The following NOP14 variants were observed in gnomAD, a reference collection of about 807,000 sequenced individuals.
NOP14 encodes nucleolar protein 14.
NOP14 carries 57 observed loss-of-function variants against 101.6 expected under a neutral mutation model. The ratio of observed to expected loss-of-function variants is 0.56; its 90% CI spans 0.45 to 0.70. The LOEUF (loss-of-function observed/expected upper bound fraction) is 0.70, where lower values mean the gene tolerates loss of function less well. Among genes scored for constraint, NOP14 ranks in the 30% least tolerant of loss-of-function variants. The probability of loss-of-function intolerance (pLI) is 0.00; values close to 1 mark genes in which losing one functional copy is unlikely to be tolerated. For synonymous variants in NOP14, 428 were observed against 424.0 expected, an observed-to-expected ratio of 1.01 and a Z score of -0.12; for missense variants, 1,134 against 1,075.5, an observed-to-expected ratio of 1.05 and a Z score of -0.76.
intron 6 of NOP14, among the ~76,000 whole-genome samples, chr4:2,951,606 G>T (rs925293286): frequency 1.3e-5 from 2 of 151,786 alleles, no homozygotes; most frequent in African/African-American, 4.8e-5. Context: ...GCAGCTCCAC[G>T]GCCTCCACTA....
intron 11 of NOP14, among the ~76,000 whole-genome samples, chr4:2,945,495 G>A (rs537497429): frequency 3.3e-5 from 5 of 152,334 alleles, no homozygotes; most frequent in African/African-American, 1.2e-4. Flanking sequence ...ATGTTTTGGG[G>A]AGTTGATTAA....
rs1294775857 is a variant in NOP14 at position 2,960,905 on chromosome 4, ATAT to A, written c.195+2217_195+2219del. Among the ~76,000 whole-genome samples the A allele has an allele frequency of 2.0e-4, 15 of 73,366 alleles. 2 individuals are homozygous for A. The highest frequency in any genetic ancestry group is 5.2e-4 in the East Asian group (2 of 3,812). 48.1% of individuals were successfully genotyped at this position (73,366 alleles called of 152,430 possible). Reference sequence around the variant, plus strand: ...ATTATTATATTATTATATCAATATTATATTAATATTATATCGATATTATTTTAA... The same window carrying A: ...ATTATTATATTATTATATCAATATTATAATATTATATCGATATTATTTTAA... On this transcript the variant is annotated intron_variant, in intron 1 of 17. Transcript: ENST00000416614.
intron 8 of NOP14, among the ~76,000 whole-genome samples, chr4:2,949,095 C>G (rs1163265160): frequency 6.6e-6 from 1 of 152,216 alleles, no homozygotes; most frequent in Non-Finnish European, 1.5e-5. Flanking sequence ...TCAGGAGACT[C>G]TTGCCACCAG....
At chr4:2,961,202 A>AATATT (rs1553864837) in intron 1 of NOP14, among the ~76,000 whole-genome samples, 55 of 102,122 alleles carry the variant, frequency 5.4e-4, no homozygotes, top group African/African-American at 1.3e-3. Flanking sequence ...CTAATATTAT[A>AATATT]ATAATATATT....
Position 2,963,132 on chromosome 4 carries a change from A to AGGGCC in NOP14, c.183_187dup (p.Leu63ArgfsTer11). 1 of 1,557,428 alleles carries AGGGCC rather than the reference A, an allele frequency of 6.4e-7. No individual in the cohort carries two copies. The highest frequency in any genetic ancestry group is 8.7e-7 in the Non-Finnish European group (1 of 1,154,528). On this transcript the variant is annotated frameshift_variant, in exon 1 of 18. Coordinates refer to ENST00000416614, the MANE Select transcript of NOP14 (RefSeq NM_001291978.2). LOFTEE classifies it high-confidence loss of function. ...CGTGCGCCCCCCGCTTACCTTCCTG[A>AGGGCC]GGGCCCGTGCGCGAGACACCCCGGG... is the stretch of plus-strand genomic sequence containing the variant.
intron 8 of NOP14, 100 bp downstream of exon 8, chr4:2,949,834 T>G: frequency 7.2e-7 from 1 of 1,397,298 alleles, no homozygotes; most frequent in Non-Finnish European, 1.0e-6. Flanking sequence ...TTGGTCCCCA[T>G]TCCACAAATG....
intron 3 of NOP14, among the ~76,000 whole-genome samples, chr4:2,955,071 G>A (rs1412172991): frequency 4.1e-5 from 5 of 123,454 alleles, no homozygotes; most frequent in Admixed American, 2.6e-4. Flanking sequence ...ACGCCACGGC[G>A]CTCCCTCTAG....
At chr4:2,954,611 TG>T in intron 3 of NOP14, 48 bp from the exon 4 acceptor site, 1 of 1,599,170 alleles carries the variant, frequency 6.3e-7, no homozygotes, top group South Asian at 1.1e-5. Flanking sequence ...AGCCCTGGCG[TG>T]GGAAGTGTTT....
chr4:2,942,428 G>C, intron 13 of NOP14, 77 bp from the exon 14 acceptor site: 1 of 1,452,732 alleles, frequency 6.9e-7, no homozygotes, highest in Non-Finnish European at 9.5e-7. Flanking sequence ...CACCGAGCCT[G>C]TGGAAGTTCA....
rs1333343165 is a variant in NOP14 at position 2,952,005 on chromosome 4, G to C, written c.870+270C>G. Among the ~76,000 whole-genome samples the C allele has an allele frequency of 2.0e-5, 3 of 151,960 alleles. No homozygotes were observed. In the South Asian group the frequency reaches 6.2e-4, roughly 32 times the overall value. On this transcript the variant is annotated intron_variant, in intron 6 of 17. Coordinates refer to ENST00000416614, the MANE Select transcript of NOP14 (RefSeq NM_001291978.2). ...GCCTGTAATCCTAGCTACTCAGGAG[G>C]CTGAGGCAGGAGAATCACTTGAACC...
intron 13 of NOP14, 126 bp from the exon 14 acceptor site, chr4:2,942,477 T>A: frequency 9.8e-7 from 1 of 1,025,044 alleles, no homozygotes; most frequent in Non-Finnish European, 1.4e-6. Flanking sequence ...TGTTTCTGGG[T>A]TGTGCCAGAC....
At position 2,944,241 on chromosome 4, in the gene NOP14, A is replaced by AT; in HGVS notation, c.1738-16dup. 1.2e-6 allele frequency: 2 copies of AT among 1,607,442 alleles called. No homozygotes were observed. Among genetic ancestry groups the AT allele is most frequent in the Non-Finnish European group, 1.7e-6 (2 of 1,177,890 alleles). ...AGGATGGGGCACTGGAAAGGAACATATGGGGGGTTACTGTCCTGGGACGAT... is the reference window on the plus strand; with the variant it reads ...AGGATGGGGCACTGGAAAGGAACATATTGGGGGGTTACTGTCCTGGGACGAT... On this transcript the variant is annotated splice_polypyrimidine_tract_variant and intron_variant, in intron 12 of 17. Transcript: ENST00000416614.
intron 2 of NOP14, among the ~76,000 whole-genome samples, chr4:2,957,355 T>C (rs1168783283): frequency 6.6e-6 from 1 of 152,252 alleles, no homozygotes; most frequent in Non-Finnish European, 1.5e-5. Flanking sequence ...CCAGCAATGC[T>C]GCTCAGCTGA....
At position 2,938,335 on chromosome 4, in the gene NOP14, A is replaced by G. The variant is rs10002702; in HGVS notation, c.*496T>C. 1.0e-5 allele frequency: 6 copies of G among 591,556 alleles called. No individual in the cohort carries two copies. In the African/African-American group the frequency reaches 1.2e-4, roughly 11 times the overall value. 36.6% of individuals were successfully genotyped at this position (591,556 alleles called of 1,614,324 possible). A position where few individuals can be genotyped will look rare whatever the true frequency, so the allele number is the denominator to read the frequency against. On this transcript the variant is annotated 3_prime_UTR_variant, in exon 18 of 18. Transcript: ENST00000416614. ...CGGGAATTCGAGACCAGCCTGACCA[A>G]CATGGAGAAACCCCGTCTCTACTAA...
At chr4:2,950,606 G>C in intron 7 of NOP14, 2 of 233,196 alleles carry the variant, frequency 8.6e-6, no homozygotes, top group East Asian at 9.9e-5. Context: ...GATCTCTTCT[G>C]CTTGAAACCT....
At chr4:2,962,336 T>A (rs1175245886) in intron 1 of NOP14, among the ~76,000 whole-genome samples, 1 of 152,240 alleles carries the variant, frequency 6.6e-6, no homozygotes, top group Non-Finnish European at 1.5e-5. Context: ...TGTAAGTCTA[T>A]CTTGCCTATT....
In NOP14 at chr4:2,952,337, T is replaced by A; in HGVS notation, c.808A>T (p.Asn270Tyr). Residue 270 changes from asparagine to tyrosine, a missense_variant, in exon 6 of 18, where the codon AAC becomes TAC. Physicochemically the swap from Asn to Tyr is moderately radical, Grantham distance 143. Coordinates refer to ENST00000416614, the MANE Select transcript of NOP14 (RefSeq NM_001291978.2). ...LGFEMKAQPSNRMKTEAELAK... is the reference protein window; with the variant it reads ...LGFEMKAQPSYRMKTEAELAK... ...AATTCTGCCTCCGTCTTCATCCTGT[T>A]AGAGGGCTGCGCCTTCATTTCAAAG... 1 of 1,613,790 alleles carries A rather than the reference T, an allele frequency of 6.2e-7. No individual in the cohort carries two copies.
intron 12 of NOP14, 59 bp from the exon 13 acceptor site, chr4:2,944,285 G>T: frequency 6.5e-7 from 1 of 1,533,278 alleles, no homozygotes; most frequent in South Asian, 1.2e-5. Context: ...ATGCTAGGCC[G>T]ACCACCGGGC....
intron 1 of NOP14, among the ~76,000 whole-genome samples, chr4:2,958,275 T>C (rs1715484114): frequency 6.6e-6 from 1 of 152,196 alleles, no homozygotes; most frequent in Admixed American, 6.5e-5. Context: ...TTAGCAAGTA[T>C]CAAATAATTT....
Sources: gnomAD v4.1 joint callset for allele counts (sites outside exome capture counted in the v4.1 genomes callset) on GRCh38, gnomAD v4.1.1 for gene constraint, MANE v1.5 for transcripts, NCBI Gene and HGNC (gene_info 2026-07-23, HGNC 2026-07-21) for gene names.